C8orf34: variants seen among roughly 807,000 people sequenced by gnomAD.
The protein encoded by C8orf34 is uncharacterized protein C8orf34.
A neutral mutation model predicts 68.3 loss-of-function variants in C8orf34; 65 were observed. That is an observed-to-expected ratio of 0.95 (90% confidence interval 0.78 to 1.17). The LOEUF (loss-of-function observed/expected upper bound fraction) is 1.17, where lower values mean the gene tolerates loss of function less well. Among genes scored for constraint, C8orf34 ranks in the 50% most tolerant of loss-of-function variants. The probability of loss-of-function intolerance (pLI) is 0.00; values close to 1 mark genes in which losing one functional copy is unlikely to be tolerated. For synonymous variants in C8orf34, 244 were observed against 241.2 expected (o/e 1.01, Z -0.11); for missense variants, 664 against 655.4 (o/e 1.01, Z -0.14).
chr8:68,408,411 A>C lies in C8orf34; in HGVS notation c.328-31088A>C, dbSNP rs567656390. Among the ~76,000 whole-genome samples, 3 of 152,172 alleles carry C rather than the reference A, an allele frequency of 2.0e-5. No homozygotes were observed. In the South Asian group the frequency reaches 6.2e-4, roughly 32 times the overall value. On this transcript the variant is annotated intron_variant, in intron 1 of 13. Transcript: ENST00000518698. ...GAAACCATCCCCGCCACACACCCCC[A>C]GTCCTTGGAAAAATTGTCTTCTGCA...
chr8:68,500,529 A>G (rs1813721074), intron 5 of C8orf34, among the ~76,000 whole-genome samples: 1 of 152,212 alleles, frequency 6.6e-6, no homozygotes, highest in African/African-American at 2.4e-5. Flanking sequence ...AAAATGTCCT[A>G]TATGCTAAAG....
intron 1 of C8orf34, among the ~76,000 whole-genome samples, chr8:68,407,227 G>A (rs1051406618): frequency 2.1e-4 from 31 of 146,518 alleles, no homozygotes; most frequent in African/African-American, 5.6e-4. Context: ...TTTTTTTATC[G>A]TTATAAAATA....
intron 12 of C8orf34, among the ~76,000 whole-genome samples, chr8:68,810,587 T>C (rs1033054824): frequency 1.1e-4 from 17 of 152,164 alleles, no homozygotes; most frequent in African/African-American, 3.1e-4. Flanking sequence ...CTTTCAGTCC[T>C]GCTGTTTGGG....
chr8:68,736,029 C>T (rs1344326344), intron 10 of C8orf34, among the ~76,000 whole-genome samples: 1 of 152,142 alleles, frequency 6.6e-6, no homozygotes, highest in Non-Finnish European at 1.5e-5. Flanking sequence ...AGCTGATGTT[C>T]TACATTTCTT....
chr8:68,789,264 A>G (rs1162312199), intron 12 of C8orf34, among the ~76,000 whole-genome samples: 1 of 152,258 alleles, frequency 6.6e-6, no homozygotes, highest in South Asian at 2.1e-4. Context: ...TAGATCCTAC[A>G]AGAGGTGCCC....
chr8:68,523,325 G>A (rs1326765393), intron 6 of C8orf34, among the ~76,000 whole-genome samples: 1 of 151,996 alleles, frequency 6.6e-6, no homozygotes, highest in East Asian at 1.9e-4. Context: ...CTTTCATTTA[G>A]TCATAATAAT....
intron 11 of C8orf34, among the ~76,000 whole-genome samples, chr8:68,778,862 C>A (rs975659501): frequency 1.3e-5 from 2 of 152,000 alleles, no homozygotes; most frequent in Admixed American, 1.3e-4. Context: ...ATTTTTGTAG[C>A]AAATTTAATC....
intron 7 of C8orf34, among the ~76,000 whole-genome samples, chr8:68,616,674 T>A (rs1217551422): frequency 6.6e-6 from 1 of 152,162 alleles, no homozygotes. Flanking sequence ...ATAATTTCTG[T>A]TCTTTTACAT....
chr8:68,722,524 T>C (rs1470313987), intron 10 of C8orf34, among the ~76,000 whole-genome samples: 2 of 152,072 alleles, frequency 1.3e-5, no homozygotes, highest in Non-Finnish European at 2.9e-5. Context: ...TAAAATTAAT[T>C]TTTAAAATTA....
At chr8:68,421,276 A>T (rs186555978) in intron 1 of C8orf34, among the ~76,000 whole-genome samples, 1 of 152,212 alleles carries the variant, frequency 6.6e-6, no homozygotes, top group Non-Finnish European at 1.5e-5. Context: ...AAGAAGGTAG[A>T]CTGACTAGAA....
intron 7 of C8orf34, among the ~76,000 whole-genome samples, chr8:68,611,143 C>A (rs1021227016): frequency 6.6e-6 from 1 of 152,058 alleles, no homozygotes; most frequent in African/African-American, 2.4e-5. Flanking sequence ...GGATTACAGG[C>A]GTGAGCCACT....
chr8:68,618,262 T>G (rs1818286451), intron 7 of C8orf34, among the ~76,000 whole-genome samples: 1 of 152,110 alleles, frequency 6.6e-6, no homozygotes, highest in African/African-American at 2.4e-5. Context: ...AGAATAACAT[T>G]AGTTTATTCT....
intron 5 of C8orf34, among the ~76,000 whole-genome samples, chr8:68,504,783 G>A (rs1180463355): frequency 2.6e-5 from 4 of 151,742 alleles, no homozygotes; most frequent in Non-Finnish European, 2.9e-5. Context: ...GCATTCAAGC[G>A]ATTCTCGTGC....
chr8:68,522,024 G>A (rs1814779360), intron 6 of C8orf34, 53 bp downstream of exon 6: 5 of 1,496,846 alleles, frequency 3.3e-6, no homozygotes, highest in Non-Finnish European at 4.5e-6. Flanking sequence ...AAAAGGTAAA[G>A]GGAAAATAAA....
intron 7 of C8orf34, among the ~76,000 whole-genome samples, chr8:68,621,878 A>T (rs1818398844): frequency 6.6e-6 from 1 of 152,216 alleles, no homozygotes; most frequent in African/African-American, 2.4e-5. Context: ...TCATATACTT[A>T]GCAGCTTAAA....
At chr8:68,526,890 G>A (rs2129748286) in intron 6 of C8orf34, among the ~76,000 whole-genome samples, 1 of 152,302 alleles carries the variant, frequency 6.6e-6, no homozygotes, top group East Asian at 1.9e-4. Flanking sequence ...TGAGACAGGA[G>A]TCAGGAGGAG....
intron 7 of C8orf34, among the ~76,000 whole-genome samples, chr8:68,544,303 G>A (rs1815799023): frequency 6.6e-6 from 1 of 152,126 alleles, no homozygotes; most frequent in South Asian, 2.1e-4. Context: ...CAGCAAGAAA[G>A]AATAAATCTC....
chr8:68,635,969 C>T (rs1336337144), intron 7 of C8orf34, among the ~76,000 whole-genome samples: 1 of 152,196 alleles, frequency 6.6e-6, no homozygotes, highest in Non-Finnish European at 1.5e-5. Flanking sequence ...GGTTATAGAA[C>T]GGGAGTTAGC....
chr8:68,558,920 A>G (rs1816337585), intron 7 of C8orf34, among the ~76,000 whole-genome samples: 1 of 151,554 alleles, frequency 6.6e-6, no homozygotes, highest in Admixed American at 6.6e-5. Flanking sequence ...AAAAGTATGT[A>G]CAAAGTAAGA....
Sources: allele counts gnomAD v4.1 joint callset (sites outside exome capture counted in the v4.1 genomes callset), GRCh38; gene constraint gnomAD v4.1.1; transcripts MANE v1.5; gene names NCBI Gene and HGNC (gene_info 2026-07-23, HGNC 2026-07-21).